Variants in NSD1 observed in about 807,000 individuals in gnomAD.
The protein encoded by NSD1 is nuclear receptor binding SET domain protein 1, also known as histone-lysine N-methyltransferase, H3 lysine-36 specific.
NSD1 carries 26 observed loss-of-function variants against 242.7 expected under a neutral mutation model. That is an observed-to-expected ratio of 0.11 (90% confidence interval 0.08 to 0.15). NSD1 has a LOEUF of 0.15. NSD1 is among the 10% of genes least tolerant of loss of function. NSD1 has a pLI of 1.00. For missense variants in NSD1, 2,495 were observed against 3,272.8 expected, an observed-to-expected ratio of 0.76 and a Z score of 5.80; for synonymous variants, 1,106 against 1,178.1, an observed-to-expected ratio of 0.94 and a Z score of 1.25.
rs199814669 is a variant in NSD1, at chr5:177,211,963, G to C, written c.3564G>C (p.Arg1188Ser). 3.7e-4 allele frequency: 592 copies of C among 1,609,872 alleles called. No individual in the cohort carries two copies. Among genetic ancestry groups the C allele is most frequent in the Admixed American group, 1.1e-3 (65 of 59,496 alleles). Reference protein sequence around the residue: ...KEKENSECAFRVLLPSDPVQE... With the variant: ...KEKENSECAFSVLLPSDPVQE... ...AAGAAAACTCTGAGTGTGCCTTTAG[G>C]GTCTTACTTCCTAGTGACCCTGTGC... Residue 1188 changes from arginine (R) to serine (S), a missense_variant, in exon 5 of 23, where the codon AGG (arginine) becomes AGC (serine). This residue lies in a region of NSD1 where 426 missense variants were observed against 411.4 expected (regional missense o/e 1.04). Coordinates refer to ENST00000439151, the MANE Select transcript of NSD1 (RefSeq NM_022455.5).
At chr5:177,194,579 C>CT (rs1200627969) in intron 3 of NSD1, among the ~76,000 whole-genome samples, 3,642 of 88,534 alleles carry the variant, frequency 0.041, 86 homozygotes, top group South Asian at 0.069. Context: ...CACCATGCCT[C>CT]TTTTTTTTTT....
At chr5:177,287,256 T>C (rs181648390) in intron 20 of NSD1, among the ~76,000 whole-genome samples, 1 of 152,394 alleles carries the variant, frequency 6.6e-6, no homozygotes, top group Admixed American at 6.5e-5. Context: ...TATCCTGCTT[T>C]CTTTTATTTG....
In NSD1 at chr5:177,207,650, C is replaced by T. The variant is rs184753249; in HGVS notation, c.1237-1986C>T. On this transcript the variant is annotated intron_variant, in intron 4 of 22. Coordinates refer to ENST00000439151, the MANE Select transcript of NSD1 (RefSeq NM_022455.5). Reference sequence around the variant, plus strand: ...AGAAGGGGTGGGTCTCCCTGTGTTTCCCAGGCTGGGCTAAAGGCATCCTCC... The same window carrying T: ...AGAAGGGGTGGGTCTCCCTGTGTTTTCCAGGCTGGGCTAAAGGCATCCTCC... Among the ~76,000 whole-genome samples, 15 of 125,290 alleles carry T rather than the reference C, an allele frequency of 1.2e-4. No homozygotes were observed. In the East Asian group the frequency reaches 1.9e-3, roughly 16 times the overall value. 82.2% of individuals were successfully genotyped at this position (125,290 alleles called of 152,430 possible).
intron 3 of NSD1, among the ~76,000 whole-genome samples, chr5:177,201,256 C>T (rs975254607): frequency 1.3e-5 from 2 of 151,690 alleles, no homozygotes; most frequent in African/African-American, 4.8e-5. Flanking sequence ...GTCTCCCAGG[C>T]TGGAGTGCAG....
In NSD1 at chr5:177,207,593, A is replaced by ATTTTTTTTTTTTTTTTTTT. The variant is rs150492535; in HGVS notation, c.1237-2032_1237-2014dup. On this transcript the variant is annotated intron_variant, in intron 4 of 22. Coordinates refer to ENST00000439151, the MANE Select transcript of NSD1 (RefSeq NM_022455.5). ...CACCGTGCCTGGCCTATTTATTTAA[A>ATTTTTTTTTTTTTTTTTTT]TTTTTTTTTTTTTTTTTTTTTTTTT... Among the ~76,000 whole-genome samples the ATTTTTTTTTTTTTTTTTTT allele has an allele frequency of 5.8e-4, 45 of 78,216 alleles. 5 individuals are homozygous for ATTTTTTTTTTTTTTTTTTT. Among genetic ancestry groups the ATTTTTTTTTTTTTTTTTTT allele is most frequent in the African/African-American group, 3.0e-3 (42 of 14,178 alleles). The allele number at this position is 78,216 out of a possible 152,430, so 51.3% of individuals were successfully genotyped here.
chr5:177,167,535 CAA>C (rs563697762), intron 2 of NSD1, among the ~76,000 whole-genome samples: 1 of 143,164 alleles, frequency 7.0e-6, no homozygotes, highest in Non-Finnish European at 1.5e-5. Context: ...AACTCTATCT[CAA>C]AAAAAAAAAA....
intron 2 of NSD1, among the ~76,000 whole-genome samples, chr5:177,179,879 T>G (rs932324386): frequency 4.6e-5 from 7 of 152,228 alleles, no homozygotes; most frequent in African/African-American, 1.7e-4. Flanking sequence ...ACTTCTATTC[T>G]TTAGTCTATT....
intron 2 of NSD1, among the ~76,000 whole-genome samples, chr5:177,161,089 A>G (rs1447599219): frequency 6.6e-6 from 1 of 152,090 alleles, no homozygotes; most frequent in Non-Finnish European, 1.5e-5. Context: ...GGGAGAATAA[A>G]AAGTTGAGTA....
At chr5:177,226,182 G>T (rs1237338198) in intron 5 of NSD1, among the ~76,000 whole-genome samples, 1 of 152,116 alleles carries the variant, frequency 6.6e-6, no homozygotes, top group Non-Finnish European at 1.5e-5. Context: ...AGGTAGCTGG[G>T]ACTACAGGCA....
intron 2 of NSD1, among the ~76,000 whole-genome samples, chr5:177,188,320 T>C (rs1404143010): frequency 1.3e-5 from 2 of 152,220 alleles, no homozygotes; most frequent in African/African-American, 4.8e-5. Context: ...CTTGCCTGTT[T>C]CTAAGTTTAT....
intron 5 of NSD1, among the ~76,000 whole-genome samples, chr5:177,232,088 A>G (rs977327628): frequency 1.4e-4 from 21 of 151,872 alleles, no homozygotes; most frequent in African/African-American, 5.1e-4. Context: ...TAGTAGAGGC[A>G]TGGTCTCACT....
At chr5:177,214,747 A>G (rs1377387883) in intron 5 of NSD1, among the ~76,000 whole-genome samples, 3 of 147,940 alleles carry the variant, frequency 2.0e-5, no homozygotes, top group African/African-American at 7.5e-5. Context: ...AGCTCACTGC[A>G]TCCTCTGCCT....
At chr5:177,161,839 T>C (rs1266223803) in intron 2 of NSD1, among the ~76,000 whole-genome samples, 1 of 151,982 alleles carries the variant, frequency 6.6e-6, no homozygotes, top group Admixed American at 6.6e-5. Flanking sequence ...TTAGTAGAGA[T>C]GGGGTTTCAC....
intron 12 of NSD1, among the ~76,000 whole-genome samples, chr5:177,252,106 A>G (rs977998769): frequency 6.6e-5 from 10 of 152,218 alleles, no homozygotes; most frequent in Non-Finnish European, 1.5e-4. Context: ...AGCTGATGCC[A>G]TAGAGGAAGA....
At chr5:177,266,166 G>T in intron 14 of NSD1, 3 of 1,072,422 alleles carry the variant, frequency 2.8e-6, no homozygotes, top group South Asian at 2.5e-5. Context: ...AGAGCACAGT[G>T]TTGAGCATGG....
At position 177,186,063 on chromosome 5, in the gene NSD1, AATATATGTTAT is replaced by A. The variant is rs1292941941; in HGVS notation, c.928-5815_928-5805del. On this transcript the variant is annotated intron_variant, in intron 2 of 22. Transcript: ENST00000439151. ...ATATATAATATATAATATAACATAT[AATATATGTTAT>A]ATATAATATATTATATATAACATAT... 3.7e-5 allele frequency among the ~76,000 whole-genome samples: 4 copies of A among 108,364 alleles called. No individual in the cohort carries two copies. In the East Asian group the frequency reaches 6.6e-4, roughly 18 times the overall value. The allele number at this position is 108,364 out of a possible 152,430, so 71.1% of individuals were successfully genotyped here. A position where few individuals can be genotyped will look rare whatever the true frequency, so the allele number is the denominator to read the frequency against.
intron 2 of NSD1, among the ~76,000 whole-genome samples, chr5:177,170,168 T>C (rs944441716): frequency 2.0e-5 from 3 of 151,294 alleles, no homozygotes; most frequent in African/African-American, 4.9e-5. Flanking sequence ...GAGATGGGGT[T>C]TCACCGTGTT....
intron 3 of NSD1, among the ~76,000 whole-genome samples, chr5:177,200,983 G>C (rs147746215): frequency 3.3e-4 from 50 of 151,440 alleles, no homozygotes; most frequent in African/African-American, 1.2e-3. Context: ...TGCAACTTCT[G>C]TCTCCTGGGT....
At position 177,295,775 on chromosome 5, in the gene NSD1, A is replaced by G. The variant is rs1760218013; in HGVS notation, c.*316A>G. 2 of 495,390 alleles carry G rather than the reference A, an allele frequency of 4.0e-6. No individual in the cohort carries two copies. Among genetic ancestry groups the G allele is most frequent in the African/African-American group, 1.9e-5 (1 of 52,112 alleles). The allele number at this position is 495,390 out of a possible 1,614,324, so 30.7% of individuals were successfully genotyped here. A position where few individuals can be genotyped will look rare whatever the true frequency, so the allele number is the denominator to read the frequency against. On this transcript the variant is annotated 3_prime_UTR_variant, in exon 23 of 23. Transcript: ENST00000439151. The surrounding 1 kb of genome is among the most constrained non-coding windows in gnomAD (Gnocchi z 4.3). Reference sequence around the variant, plus strand: ...ACTCTGGAGTCAAGTATGGAATTCAATTCCGCTGGTCAGGTTGGAAGGTAT... The same window carrying G: ...ACTCTGGAGTCAAGTATGGAATTCAGTTCCGCTGGTCAGGTTGGAAGGTAT...
Sources: gnomAD v4.1 joint callset for allele counts (sites outside exome capture counted in the v4.1 genomes callset) on GRCh38, gnomAD v4.1.1 for gene constraint, gnomAD v4.1.1 regional missense constraint, Gnocchi (gnomAD v3.1) non-coding constraint, MANE v1.5 for transcripts, NCBI Gene and HGNC (gene_info 2026-07-23, HGNC 2026-07-21) for gene names.